SLC5A8: variants seen among roughly 807,000 people sequenced by gnomAD.
The protein encoded by SLC5A8 is sodium-coupled monocarboxylate transporter 1.
A neutral mutation model predicts 71.9 loss-of-function variants in SLC5A8; 55 were observed. The observed-to-expected ratio is 0.77, with a 90% CI of 0.62 to 0.96. The LOEUF (loss-of-function observed/expected upper bound fraction) is 0.96, where lower values mean the gene tolerates loss of function less well. Ranked by LOEUF, SLC5A8 falls within the 40% of genes least tolerant of loss-of-function variation. The pLI is 0.00. For synonymous variants in SLC5A8, 307 were observed against 276.1 expected, an observed-to-expected ratio of 1.11 and a Z score of -1.11; for missense variants, 701 against 745.3, an observed-to-expected ratio of 0.94 and a Z score of 0.69.
intron 10 of SLC5A8, among the ~76,000 whole-genome samples, chr12:101,169,557 C>T (rs1382769805): frequency 2.0e-5 from 3 of 152,104 alleles, no homozygotes; most frequent in Non-Finnish European, 4.4e-5. Context: ...ACCAGAATGG[C>T]CCCAAGCCTT....
chr12:101,170,957 G>A (rs1031070658), intron 10 of SLC5A8, among the ~76,000 whole-genome samples: 3 of 152,174 alleles, frequency 2.0e-5, no homozygotes, highest in Admixed American at 1.3e-4. Flanking sequence ...TCATTGTTGA[G>A]TCTTGTACAC....
At chr12:101,173,549 G>A (rs1476485453) in intron 10 of SLC5A8, among the ~76,000 whole-genome samples, 3 of 152,166 alleles carry the variant, frequency 2.0e-5, no homozygotes, top group Non-Finnish European at 2.9e-5. Flanking sequence ...CGCGTGACTT[G>A]GGCATGTTGC....
chr12:101,180,074 A>G lies in SLC5A8; in HGVS notation c.1188T>C (p.Cys396=). ...QGMSVVYGAL[C]IGMAALASLM... ...GTGACGCCAGCGCAGCCATTCCAAT[A>G]CACAGGGCTCCATACACCACACCTA... is the stretch of plus-strand genomic sequence containing the variant. Residue 396 remains cysteine, a synonymous_variant, in exon 10 of 15, where the codon TGT becomes TGC. Coordinates refer to ENST00000536262, the MANE Select transcript of SLC5A8 (RefSeq NM_145913.5). The G allele has an allele frequency of 1.2e-6, 2 of 1,614,074 alleles. No homozygotes were observed. The highest frequency in any genetic ancestry group is 1.7e-4 in the Middle Eastern group (1 of 6,060).
At chr12:101,194,210 T>C (rs771860986) in intron 4 of SLC5A8, among the ~76,000 whole-genome samples, 19 of 152,206 alleles carry the variant, frequency 1.2e-4, no homozygotes, top group Non-Finnish European at 2.5e-4. Flanking sequence ...ATTTCCACTG[T>C]TATATACTAT....
chr12:101,171,098 C>T (rs1439945190), intron 10 of SLC5A8, among the ~76,000 whole-genome samples: 13 of 152,110 alleles, frequency 8.5e-5, no homozygotes, highest in African/African-American at 3.1e-4. Flanking sequence ...CATCTAGAGA[C>T]CTTTCTCAGA....
intron 1 of SLC5A8, among the ~76,000 whole-genome samples, chr12:101,205,883 T>C (rs1436999589): frequency 1.3e-5 from 2 of 152,120 alleles, no homozygotes; most frequent in Non-Finnish European, 2.9e-5. Flanking sequence ...AGTGAATGGG[T>C]GAAACTAACA....
intron 7 of SLC5A8, among the ~76,000 whole-genome samples, chr12:101,185,247 C>G (rs977446439): frequency 3.9e-5 from 6 of 152,164 alleles, no homozygotes; most frequent in Non-Finnish European, 8.8e-5. Flanking sequence ...TAGCATTTAT[C>G]CCTATATGAG....
chr12:101,169,808 T>C (rs1490041647), intron 10 of SLC5A8, among the ~76,000 whole-genome samples: 1 of 152,240 alleles, frequency 6.6e-6, no homozygotes, highest in Non-Finnish European at 1.5e-5. Context: ...AACCAGATAT[T>C]TGATACAGGA....
rs116010803 is a variant in SLC5A8 at position 101,167,971 on chromosome 12, A to G, written c.1320+125T>C. ...GTACACTCCACCAAAGTCAACAGAA[A>G]TAATTTAAGTCATCAAGACAAGTAG... On this transcript the variant is annotated intron_variant, in intron 11 of 14. Coordinates refer to ENST00000536262, the MANE Select transcript of SLC5A8 (RefSeq NM_145913.5). The G allele has an allele frequency of 1.3e-3, 1,194 of 910,552 alleles. 9 individuals are homozygous for G. In the African/African-American group the frequency reaches 0.016, roughly 13 times the overall value. 56.4% of individuals were successfully genotyped at this position (910,552 alleles called of 1,614,324 possible).
chr12:101,204,589 C>T (rs369727763), intron 1 of SLC5A8, 24 bp from the exon 2 acceptor site: 46 of 1,522,566 alleles, frequency 3.0e-5, no homozygotes, highest in African/African-American at 2.4e-4. Flanking sequence ...AAAAATTATG[C>T]GAATCCTCTG....
chr12:101,179,959 G>C, intron 10 of SLC5A8, 70 bp downstream of exon 10: 2 of 1,515,246 alleles, frequency 1.3e-6, no homozygotes, highest in Non-Finnish European at 1.8e-6. Context: ...AAGTCTGGAA[G>C]GATGGTCACA....
chr12:101,206,000 C>G (rs1037114015), intron 1 of SLC5A8, among the ~76,000 whole-genome samples: 2 of 152,192 alleles, frequency 1.3e-5, no homozygotes, highest in Non-Finnish European at 2.9e-5. Flanking sequence ...CCACGCCTGA[C>G]TCCATCAGCT....
At chr12:101,167,310 A>G (rs1593363621) in intron 11 of SLC5A8, among the ~76,000 whole-genome samples, 1 of 152,352 alleles carries the variant, frequency 6.6e-6, no homozygotes, top group South Asian at 2.1e-4. Context: ...AATAATAACC[A>G]CAATAGTCCT....
intron 7 of SLC5A8, among the ~76,000 whole-genome samples, chr12:101,186,296 T>C (rs1868643418): frequency 6.6e-6 from 1 of 152,080 alleles, no homozygotes; most frequent in African/African-American, 2.4e-5. Flanking sequence ...GGTGTGTTTA[T>C]CAAAAGGAGG....
At chr12:101,178,134 TA>T (rs1410374066) in intron 10 of SLC5A8, among the ~76,000 whole-genome samples, 2 of 152,100 alleles carry the variant, frequency 1.3e-5, no homozygotes, top group African/African-American at 4.8e-5. Flanking sequence ...GACATCAACA[TA>T]AAAAATACGA....
rs532556844 is a variant in SLC5A8, at chr12:101,156,126, A to T, written c.*1153T>A. ...AAAATTTTAAAACATGGAACAAAGCATTTTTTGAGTCCAGACGTTTTAAAA... is the reference window on the plus strand; with the variant it reads ...AAAATTTTAAAACATGGAACAAAGCTTTTTTTGAGTCCAGACGTTTTAAAA... On this transcript the variant is annotated 3_prime_UTR_variant, in exon 15 of 15. Coordinates refer to ENST00000536262, the MANE Select transcript of SLC5A8 (RefSeq NM_145913.5). 30 of 152,190 alleles carry T rather than the reference A, an allele frequency of 2.0e-4. No homozygotes were observed. Among genetic ancestry groups the T allele is most frequent in the Admixed American group, 2.0e-3 (30 of 15,260 alleles). 9.4% of individuals were successfully genotyped at this position (152,190 alleles called of 1,614,324 possible). A position where few individuals can be genotyped will look rare whatever the true frequency, so the allele number is the denominator to read the frequency against.
chr12:101,185,520 T>C (rs551544208), intron 7 of SLC5A8, among the ~76,000 whole-genome samples: 1 of 152,146 alleles, frequency 6.6e-6, no homozygotes, highest in Admixed American at 6.5e-5. Context: ...TCTGGGCAAA[T>C]GCCAGCAGAG....
chr12:101,168,570 G>A (rs181426286), intron 10 of SLC5A8, among the ~76,000 whole-genome samples: 33 of 152,270 alleles, frequency 2.2e-4, no homozygotes, highest in Admixed American at 1.9e-3. Context: ...TCATAACGGT[G>A]GACGAGTACT....
rs1211274933 is a variant in SLC5A8 at position 101,166,689 on chromosome 12, A to G, written c.1331T>C (p.Val444Ala). Residue 444 changes from valine to alanine, a missense_variant, in exon 12 of 15, where the codon GTT (valine) becomes GCT (alanine). By Grantham distance (64) the Val-to-Ala change is moderately conservative. Coordinates refer to ENST00000536262, the MANE Select transcript of SLC5A8 (RefSeq NM_145913.5). Reference protein sequence around the residue: ...VPFANSIGALVGLMAGFAISL... With the variant: ...VPFANSIGALAGLMAGFAISL... ...AATGGCAAATCCAGCCATCAGACCA[A>G]CAAGTGCTCCCTGTAAAACAAGAAT... The G allele has an allele frequency of 6.2e-7, 1 of 1,604,416 alleles. No homozygotes were observed. The highest frequency in any genetic ancestry group is 1.7e-5 in the Admixed American group (1 of 57,924).
Sources: gnomAD v4.1 joint callset for allele counts (sites outside exome capture counted in the v4.1 genomes callset) on GRCh38, gnomAD v4.1.1 for gene constraint, MANE v1.5 for transcripts, NCBI Gene and HGNC (gene_info 2026-07-23, HGNC 2026-07-21) for gene names.